RAB38: variants seen among roughly 807,000 people sequenced by gnomAD.
RAB38 encodes RAB38, member RAS oncogene family.
In RAB38, 15 loss-of-function variants were observed where a neutral mutation model predicts 18.4. That is an observed-to-expected ratio of 0.82 (90% confidence interval 0.55 to 1.26). The LOEUF is 1.26. RAB38 is among the 50% of genes most tolerant of loss of function. The pLI, the probability that RAB38 is intolerant of heterozygous loss-of-function variation, is 0.00. For synonymous variants in RAB38, 101 were observed against 104.4 expected (o/e 0.97, Z 0.20); for missense variants, 294 against 267.4 (o/e 1.10, Z -0.69).
At chr11:88,132,714 C>T (rs944424433) in intron 2 of RAB38, among the ~76,000 whole-genome samples, 1 of 152,162 alleles carries the variant, frequency 6.6e-6, no homozygotes, top group Admixed American at 6.5e-5. Context: ...CTGCCTTGGC[C>T]TCCCAAAGTG....
chr11:87,872,058 A>G, the RAB38 span, among the ~76,000 whole-genome samples: 1 of 151,502 alleles, frequency 6.6e-6, no homozygotes, highest in Non-Finnish European at 1.5e-5. Context: ...TTAATACTTT[A>G]CCAAATTGGT....
the RAB38 span, among the ~76,000 whole-genome samples, chr11:87,847,415 G>T: frequency 6.6e-6 from 1 of 151,882 alleles, no homozygotes; most frequent in East Asian, 1.9e-4. Flanking sequence ...GATTTCTTAA[G>T]ACATAACTTA....
the RAB38 span, among the ~76,000 whole-genome samples, chr11:88,058,416 T>A: frequency 8.5e-5 from 13 of 152,180 alleles, no homozygotes; most frequent in Non-Finnish European, 1.6e-4. Flanking sequence ...GAGAATCTAC[T>A]TCCTGAAGAG....
intron 2 of RAB38, among the ~76,000 whole-genome samples, chr11:88,130,305 G>C (rs779074120): frequency 1.3e-5 from 2 of 152,084 alleles, no homozygotes; most frequent in Non-Finnish European, 2.9e-5. Context: ...AAAGACAGAA[G>C]GAGAAGGGAA....
At chr11:88,114,180 C>T (rs1267728295) in intron 2 of RAB38, 40 bp from the exon 3 acceptor site, 17 of 1,600,404 alleles carry the variant, frequency 1.1e-5, no homozygotes, top group Non-Finnish European at 1.5e-5. Flanking sequence ...TTATTCAATA[C>T]TCTGAAATAA....
At chr11:87,838,928 G>C in the RAB38 span, among the ~76,000 whole-genome samples, 1 of 152,156 alleles carries the variant, frequency 6.6e-6, no homozygotes, top group Non-Finnish European at 1.5e-5. Flanking sequence ...CCATTTCACA[G>C]GTAACTTGTT....
the RAB38 span, among the ~76,000 whole-genome samples, chr11:88,074,744 A>G: frequency 1.3e-5 from 2 of 152,184 alleles, no homozygotes; most frequent in East Asian, 1.9e-4. Context: ...CAATTCTCCA[A>G]TTAAAAGGCA....
In RAB38 at chr11:88,114,014, T is replaced by C. The variant is rs748892433; in HGVS notation, c.610A>G (p.Ser204Gly). ...KPHLTSTKVA[S>G]CSGCAKS ...TAGGATTTGGCACAGCCAGAGCAGCTGGCAACCTTGGTTGATGTGAGATGG... is the reference window on the plus strand; with the variant it reads ...TAGGATTTGGCACAGCCAGAGCAGCCGGCAACCTTGGTTGATGTGAGATGG... The change falls in exon 3 of 3, where the codon AGC becomes GGC. Residue 204 changes from serine to glycine, a missense_variant. Ser to Gly is a moderately conservative substitution (Grantham distance 56). Transcript: ENST00000243662. The C allele has an allele frequency of 1.1e-5, 17 of 1,614,174 alleles. No homozygotes were observed. The highest frequency in any genetic ancestry group is 1.4e-5 in the Non-Finnish European group (16 of 1,180,016).
chr11:88,019,180 T>C, the RAB38 span, among the ~76,000 whole-genome samples: 5 of 152,272 alleles, frequency 3.3e-5, no homozygotes, highest in East Asian at 7.7e-4. Flanking sequence ...GATTAACAGG[T>C]AACTCAGTTT....
chr11:88,027,778 A>C, the RAB38 span, among the ~76,000 whole-genome samples: 1 of 152,192 alleles, frequency 6.6e-6, no homozygotes, highest in Non-Finnish European at 1.5e-5. Flanking sequence ...CTGCCTCTGT[A>C]GGCTCCACCT....
the RAB38 span, among the ~76,000 whole-genome samples, chr11:88,093,271 T>C: frequency 6.6e-6 from 1 of 151,894 alleles, no homozygotes; most frequent in Admixed American, 6.6e-5. Context: ...TGATCCAATC[T>C]GCAATAAACA....
At chr11:87,890,821 G>T in the RAB38 span, among the ~76,000 whole-genome samples, 1 of 151,762 alleles carries the variant, frequency 6.6e-6, no homozygotes, top group East Asian at 2.0e-4. Context: ...TTCACTTACT[G>T]AGTAGTCATT....
chr11:88,044,611 T>G, the RAB38 span, among the ~76,000 whole-genome samples: 1 of 152,162 alleles, frequency 6.6e-6, no homozygotes, highest in Non-Finnish European at 1.5e-5. Flanking sequence ...ATCTAGATAA[T>G]TATTGCCGTA....
At chr11:87,825,143 C>A in the RAB38 span, among the ~76,000 whole-genome samples, 556 of 152,218 alleles carry the variant, frequency 3.7e-3, 4 homozygotes, top group African/African-American at 0.013. Context: ...AAGAATCCTA[C>A]ATCTAGTCAT....
At chr11:87,887,170 C>T in the RAB38 span, among the ~76,000 whole-genome samples, 4 of 152,030 alleles carry the variant, frequency 2.6e-5, no homozygotes, top group Non-Finnish European at 5.9e-5. Context: ...GAAAATGAGT[C>T]TCTGAGAGGC....
At chr11:87,872,311 T>G in the RAB38 span, among the ~76,000 whole-genome samples, 1 of 151,546 alleles carries the variant, frequency 6.6e-6, no homozygotes, top group Non-Finnish European at 1.5e-5. Context: ...TTTAGAGCAA[T>G]TTTAGGTACA....
chr11:87,938,051 G>C, the RAB38 span, among the ~76,000 whole-genome samples: 4 of 151,922 alleles, frequency 2.6e-5, no homozygotes, highest in Non-Finnish European at 4.4e-5. Flanking sequence ...ATTATATACT[G>C]AGATTCTGGG....
chr11:88,044,201 C>T, the RAB38 span, among the ~76,000 whole-genome samples: 145 of 152,330 alleles, frequency 9.5e-4, no homozygotes, highest in Admixed American at 2.9e-3. Context: ...TATTCACCCA[C>T]GTTTCAGAGG....
the RAB38 span, among the ~76,000 whole-genome samples, chr11:88,020,986 C>T: frequency 1.3e-5 from 2 of 151,794 alleles, no homozygotes; most frequent in South Asian, 2.1e-4. Flanking sequence ...AAAGTGCCTA[C>T]ATCAAAAAAG....
Sources: gnomAD v4.1 joint callset for allele counts (sites outside exome capture counted in the v4.1 genomes callset) on GRCh38, gnomAD v4.1.1 for gene constraint, MANE v1.5 for transcripts, NCBI Gene and HGNC (gene_info 2026-07-23, HGNC 2026-07-21) for gene names.